The following ABR variants were observed in gnomAD, a reference collection of about 807,000 sequenced individuals.
ABR encodes ABR activator of RhoGEF and GTPase.
In ABR, 35 loss-of-function variants were observed where a neutral mutation model predicts 107.2. The observed-to-expected ratio is 0.33, with a 90% CI of 0.25 to 0.43. The LOEUF (loss-of-function observed/expected upper bound fraction) is 0.43. ABR is among the 20% of genes least tolerant of loss of function. The pLI is 1.00. For missense variants in ABR, 815 were observed against 1,115.2 expected, an observed-to-expected ratio of 0.73 and a Z score of 3.83; for synonymous variants, 498 against 462.0, an observed-to-expected ratio of 1.08 and a Z score of -1.00.
rs1449673386 is a variant in ABR at position 1,005,302 on chromosome 17, C to CCCCAGGCTGG, written c.*777_*778insCCAGCCTGGG. ...CCTCACTGATAGACAGGAGGCCGAA[C>CCCCAGGCTGG]AGGTAAACCCCAGAAGTGGAGATTC... On this transcript the variant is annotated 3_prime_UTR_variant, in exon 23 of 23. Transcript: ENST00000302538. 5.0e-6 allele frequency: 2 copies of CCCCAGGCTGG among 397,042 alleles called. No homozygotes were observed. Among genetic ancestry groups the CCCCAGGCTGG allele is most frequent in the Non-Finnish European group, 8.9e-6 (2 of 225,636 alleles). The allele number at this position is 397,042 out of a possible 1,614,324, so 24.6% of individuals were successfully genotyped here. A position where few individuals can be genotyped will look rare whatever the true frequency, so the allele number is the denominator to read the frequency against.
At chr17:1,013,852 G>A (rs576844560) in intron 16 of ABR, among the ~76,000 whole-genome samples, 2 of 152,302 alleles carry the variant, frequency 1.3e-5, no homozygotes, top group Admixed American at 6.5e-5. Flanking sequence ...CGGACCCCAG[G>A]GGAGGTCAGA....
chr17:1,011,884 G>A lies in ABR; in HGVS notation c.2063C>T (p.Ala688Val). The A allele has an allele frequency of 1.2e-6, 2 of 1,601,226 alleles. No homozygotes were observed. Among genetic ancestry groups the A allele is most frequent in the East Asian group, 2.2e-5 (1 of 44,494 alleles). Residue 688 changes from alanine to valine, a missense_variant, in exon 19 of 23, where the codon GCC becomes GTC. Around this residue, in one of 5 missense-constraint regions of ABR, gnomAD observed 175 missense variants for 284.3 expected, o/e 0.62. Transcript: ENST00000302538. This position sits in a 1 kb window ranked among gnomAD's most constrained non-coding sequence, Gnocchi z 4.8. ...GGCCTTGAGCGCCTGGATGTCCGTG[G>A]CCACGCCCGATATCCTGTAGATGCC... is the stretch of plus-strand genomic sequence containing the variant. ...EVGIYRISGV[A>V]TDIQALKAVF... is the part of the protein sequence containing the mutation.
chr17:1,100,053 G>C (rs1158543229), intron 3 of ABR, among the ~76,000 whole-genome samples: 1 of 151,672 alleles, frequency 6.6e-6, no homozygotes, highest in East Asian at 1.9e-4. Flanking sequence ...TTGAACCCGG[G>C]AGGCAGAGGT....
Position 1,011,696 on chromosome 17 carries a change from A to C in ABR, c.2101+150T>G. ...GGGACAAGAGATTGGAGGGGAGGGG[A>C]TTACAAGAGAAAGCACTTGCCACGG... On this transcript the variant is annotated intron_variant, in intron 19 of 22. Coordinates refer to ENST00000302538, the MANE Select transcript of ABR (RefSeq NM_021962.5). This position sits in a 1 kb window ranked among gnomAD's most constrained non-coding sequence, Gnocchi z 4.8. The C allele has an allele frequency of 1.1e-6, 1 of 934,828 alleles. No homozygotes were observed. The highest frequency in any genetic ancestry group is 2.6e-5 in the South Asian group (1 of 37,918). The allele number at this position is 934,828 out of a possible 1,614,324, so 57.9% of individuals were successfully genotyped here.
intron 2 of ABR, among the ~76,000 whole-genome samples, chr17:1,101,835 G>A (rs369694992): frequency 1.9e-4 from 28 of 151,250 alleles, no homozygotes; most frequent in African/African-American, 3.4e-4. Context: ...CCGGGTTCAC[G>A]CCATTCTCCT....
intron 16 of ABR, among the ~76,000 whole-genome samples, chr17:1,030,767 A>C (rs1217184502): frequency 2.6e-5 from 4 of 152,260 alleles, no homozygotes; most frequent in African/African-American, 9.6e-5. Context: ...GGACTGGCCA[A>C]GGCCTCCCTT....
intron 1 of ABR, among the ~76,000 whole-genome samples, chr17:1,173,415 C>G (rs890960999): frequency 6.7e-6 from 1 of 150,120 alleles, no homozygotes; most frequent in African/African-American, 2.5e-5. Flanking sequence ...AAGGGCCTGG[C>G]AGGGGCAGTG....
At position 1,079,383 on chromosome 17, in the gene ABR, T is replaced by C. The variant is rs2036026782; in HGVS notation, c.647A>G (p.Lys216Arg). Residue 216 changes from lysine to arginine, a missense_variant, in exon 6 of 23, where the codon AAA (lysine) becomes AGA (arginine). Lys to Arg is a conservative substitution (Grantham distance 26, BLOSUM62 2). This residue lies in a region of ABR where 385 missense variants were observed against 596.9 expected (regional missense o/e 0.64). Coordinates refer to ENST00000302538, the MANE Select transcript of ABR (RefSeq NM_021962.5). The stretch of plus-strand genomic sequence containing the variant: ...CTTGGAGTCCTTGGGACCTTTCACT[T>C]TGAGTTCCTGCCAAAGGGAGGAGAG... ...NQFQKISEEL[K>R]VKGPKDSKDS... The C allele has an allele frequency of 6.2e-7, 1 of 1,613,142 alleles. No individual in the cohort carries two copies. Among genetic ancestry groups the C allele is most frequent in the Non-Finnish European group, 8.5e-7 (1 of 1,179,650 alleles).
At chr17:1,214,169 G>A (rs913011043) in intron 1 of ABR, among the ~76,000 whole-genome samples, 2 of 152,152 alleles carry the variant, frequency 1.3e-5, no homozygotes, top group Non-Finnish European at 2.9e-5. Context: ...ACAGGCATGA[G>A]CCACCGCTCC....
chr17:1,082,833 T>G (rs1468272204), intron 5 of ABR, among the ~76,000 whole-genome samples: 2 of 152,058 alleles, frequency 1.3e-5, no homozygotes, highest in African/African-American at 4.8e-5. Flanking sequence ...TCAAGCAAGG[T>G]CAGGATTAGC....
chr17:1,079,751 T>G (rs2036062207), intron 5 of ABR, among the ~76,000 whole-genome samples: 1 of 120,564 alleles, frequency 8.3e-6, no homozygotes. Flanking sequence ...ATCACACCAT[T>G]GCACTCCAGC....
chr17:1,100,996 G>C (rs900828550), intron 2 of ABR: 58 of 501,020 alleles, frequency 1.2e-4, no homozygotes, highest in Non-Finnish European at 6.2e-5. Flanking sequence ...GATAATTTTT[G>C]TATTTTTAGT....
In ABR at chr17:1,054,526, ATGGGGG is replaced by A. The variant is rs1219184563; in HGVS notation, c.1561+1503_1561+1508del. Among the ~76,000 whole-genome samples the A allele has an allele frequency of 7.1e-3, 90 of 12,746 alleles. 2 individuals are homozygous for A. The highest frequency in any genetic ancestry group is 9.4e-3 in the Non-Finnish European group (55 of 5,858). The allele number at this position is 12,746 out of a possible 152,430, so 8.4% of individuals were successfully genotyped here. ...ATGGGGATACAAGGAACCTCAGGGG[ATGGGGG>A]CACAAAGAACCTGAGGGGACGGGGG... On this transcript the variant is annotated intron_variant, in intron 14 of 22. Transcript: ENST00000302538.
chr17:1,033,478 G>A (rs1348489821), intron 16 of ABR, among the ~76,000 whole-genome samples: 1 of 152,202 alleles, frequency 6.6e-6, no homozygotes, highest in Non-Finnish European at 1.5e-5. Context: ...CGGAGGTCTG[G>A]CTAACTCCAA....
chr17:1,024,043 A>AAAAAAAAAAAAAAC (rs2071960019), intron 16 of ABR, among the ~76,000 whole-genome samples: 1 of 149,732 alleles, frequency 6.7e-6, no homozygotes, highest in Non-Finnish European at 1.5e-5. Flanking sequence ...AAAAAAAAAA[A>AAAAAAAAAAAAAAC]AAAAAAGCAG....
Position 1,005,997 on chromosome 17 carries a change from C to A in ABR, c.*83G>T. 7.8e-7 allele frequency: 1 copy of A among 1,279,900 alleles called. No individual in the cohort carries two copies. Among genetic ancestry groups the A allele is most frequent in the Non-Finnish European group, 1.1e-6 (1 of 901,406 alleles). The allele number at this position is 1,279,900 out of a possible 1,614,324, so 79.3% of individuals were successfully genotyped here. On this transcript the variant is annotated 3_prime_UTR_variant, in exon 23 of 23. Transcript: ENST00000302538. ...CTGGAGTGCTGGGTTTGGGAGTTTTCTATTGCAGTCTTTCAAGTCTGAGTT... is the reference window on the plus strand; with the variant it reads ...CTGGAGTGCTGGGTTTGGGAGTTTTATATTGCAGTCTTTCAAGTCTGAGTT...
chr17:1,128,434 A>G (rs993046394), intron 1 of ABR, among the ~76,000 whole-genome samples: 1 of 152,236 alleles, frequency 6.6e-6, no homozygotes, highest in Admixed American at 6.5e-5. Context: ...CAGAAATCCT[A>G]CTGTATTCGG....
chr17:1,139,811 G>A (rs1381689637), intron 1 of ABR, among the ~76,000 whole-genome samples: 1 of 152,100 alleles, frequency 6.6e-6, no homozygotes. Context: ...TACCAAACAC[G>A]AAGTGTGTGG....
rs1597991010 is a variant in ABR at position 1,153,435 on chromosome 17, AGGGCTGGGGG to A, written c.61+26222_61+26231del. Among the ~76,000 whole-genome samples, 70 of 136,946 alleles carry A rather than the reference AGGGCTGGGGG, an allele frequency of 5.1e-4. 2 individuals are homozygous for A. In the East Asian group the frequency reaches 0.014, roughly 27 times the overall value. The allele number at this position is 136,946 out of a possible 152,430, so 89.8% of individuals were successfully genotyped here. On this transcript the variant is annotated intron_variant, in intron 1 of 22. Coordinates refer to ENST00000302538, the MANE Select transcript of ABR (RefSeq NM_021962.5). ...CTGGGGGTCCAGGCACACCTGCGGGAGGGCTGGGGGTCCAGGCACACCTGCGGGAGGGCTG... is the reference window on the plus strand; with the variant it reads ...CTGGGGGTCCAGGCACACCTGCGGGATCCAGGCACACCTGCGGGAGGGCTG...
Sources: gnomAD v4.1 joint callset for allele counts (sites outside exome capture counted in the v4.1 genomes callset) on GRCh38, gnomAD v4.1.1 for gene constraint, gnomAD v4.1.1 regional missense constraint, Gnocchi (gnomAD v3.1) non-coding constraint, MANE v1.5 for transcripts, NCBI Gene and HGNC (gene_info 2026-07-23, HGNC 2026-07-21) for gene names.